Variants in ARL13B observed in about 807,000 individuals in gnomAD.
ARL13B encodes the protein ADP-ribosylation factor-like protein 13B.
In ARL13B, 36 loss-of-function variants were observed where a neutral mutation model predicts 56.1. The ratio of observed to expected loss-of-function variants is 0.64; its 90% CI spans 0.49 to 0.85. The LOEUF (loss-of-function observed/expected upper bound fraction) is 0.85. ARL13B is among the 40% of genes least tolerant of loss of function. ARL13B has a pLI of 0.00. For missense variants in ARL13B, 519 were observed against 507.1 expected, an observed-to-expected ratio of 1.02 and a Z score of -0.23; for synonymous variants, 178 against 171.1, an observed-to-expected ratio of 1.04 and a Z score of -0.32.
At chr3:94,036,180 G>A (rs1199817123) in intron 4 of ARL13B, among the ~76,000 whole-genome samples, 3 of 152,172 alleles carry the variant, frequency 2.0e-5, no homozygotes, top group Admixed American at 6.5e-5. Flanking sequence ...AAAAACATTA[G>A]GCTGTCAATC....
chr3:93,989,316 A>G (rs1710625155), intron 1 of ARL13B, among the ~76,000 whole-genome samples: 1 of 152,200 alleles, frequency 6.6e-6, no homozygotes, highest in Non-Finnish European at 1.5e-5. Flanking sequence ...TTCTTTCAGT[A>G]AAGAAGCCTA....
At chr3:93,987,810 A>AT (rs996749371) in intron 1 of ARL13B, among the ~76,000 whole-genome samples, 27 of 147,542 alleles carry the variant, frequency 1.8e-4, no homozygotes, top group South Asian at 4.3e-4. Flanking sequence ...TGCCTGGCTA[A>AT]TTTTTTTTTT....
intron 3 of ARL13B, among the ~76,000 whole-genome samples, chr3:94,018,985 CA>C (rs894488714): frequency 6.6e-6 from 1 of 152,002 alleles, no homozygotes; most frequent in African/African-American, 2.4e-5. Flanking sequence ...AGGCTGGTCG[CA>C]AACTCCTGAT....
At chr3:94,042,328 C>G (rs1163962817) in intron 6 of ARL13B, among the ~76,000 whole-genome samples, 1 of 151,956 alleles carries the variant, frequency 6.6e-6, no homozygotes, top group Non-Finnish European at 1.5e-5. Context: ...CCCACTGACT[C>G]AACAGTTCTA....
chr3:94,029,504 C>T (rs555838345), intron 3 of ARL13B, among the ~76,000 whole-genome samples: 121 of 151,290 alleles, frequency 8.0e-4, no homozygotes, highest in African/African-American at 2.7e-3. Flanking sequence ...CCTGCCACCA[C>T]GCCCAGCTAA....
intron 2 of ARL13B, among the ~76,000 whole-genome samples, chr3:93,996,894 A>G (rs2075977455): frequency 6.6e-6 from 1 of 151,986 alleles, no homozygotes; most frequent in African/African-American, 2.4e-5. Context: ...CTTCATCTGT[A>G]TTTACATCCT....
chr3:93,990,569 G>A lies in ARL13B; in HGVS notation c.60-5305G>A, dbSNP rs146544047. The stretch of plus-strand genomic sequence containing the variant: ...GAGGTCACGTGTGGAATTTTCCACC[G>A]TGGTGTCATGTTGGTGCTTAAAAAG... On this transcript the variant is annotated intron_variant, in intron 1 of 9. Coordinates refer to ENST00000394222, the MANE Select transcript of ARL13B (RefSeq NM_001174150.2). Among the ~76,000 whole-genome samples the A allele has an allele frequency of 3.0e-4, 45 of 152,188 alleles. No homozygotes were observed. The East Asian group carries it at 8.5e-3, about 29-fold the overall frequency.
intron 2 of ARL13B, chr3:93,996,592 G>T: frequency 2.3e-6 from 1 of 437,756 alleles, no homozygotes; most frequent in Non-Finnish European, 4.6e-6. Context: ...TGCCCAAGCT[G>T]GTCTGGAATG....
intron 7 of ARL13B, among the ~76,000 whole-genome samples, chr3:94,049,048 G>A (rs1327367267): frequency 2.0e-5 from 3 of 151,992 alleles, no homozygotes; most frequent in Non-Finnish European, 4.4e-5. Context: ...ACACAATAAT[G>A]AATAGCTTCT....
At chr3:94,001,264 A>G (rs1198410865) in intron 2 of ARL13B, among the ~76,000 whole-genome samples, 2 of 152,206 alleles carry the variant, frequency 1.3e-5, no homozygotes, top group Non-Finnish European at 2.9e-5. Context: ...CCATATATCA[A>G]AAGAAACAGG....
chr3:93,985,578 A>G (rs1020734687), intron 1 of ARL13B, among the ~76,000 whole-genome samples: 4 of 152,214 alleles, frequency 2.6e-5, no homozygotes, highest in African/African-American at 9.6e-5. Context: ...TTATGCATAC[A>G]TAACTAACAA....
chr3:94,045,207 G>T (rs2076959728), intron 7 of ARL13B, among the ~76,000 whole-genome samples: 1 of 152,090 alleles, frequency 6.6e-6, no homozygotes. Flanking sequence ...ATTAAGGGCG[G>T]TGCAAGATGT....
chr3:94,006,385 A>G (rs1291265371), intron 3 of ARL13B, among the ~76,000 whole-genome samples: 2 of 152,034 alleles, frequency 1.3e-5, no homozygotes, highest in African/African-American at 2.4e-5. Flanking sequence ...CCCATATTTG[A>G]AAGTTCTCCT....
rs563359477 is a variant in ARL13B, at chr3:94,006,041, C to T, written c.380+2133C>T. 7.9e-5 allele frequency among the ~76,000 whole-genome samples: 12 copies of T among 152,260 alleles called. No individual in the cohort carries two copies. The South Asian group carries it at 1.2e-3, about 16-fold the overall frequency. On this transcript the variant is annotated intron_variant, in intron 3 of 9. Coordinates refer to ENST00000394222, the MANE Select transcript of ARL13B (RefSeq NM_001174150.2). ...TTGAGCCGGGCACGGTGGCTCACGC[C>T]TGTAATCCCAGCACTTTGGGAGGCC...
intron 3 of ARL13B, among the ~76,000 whole-genome samples, chr3:94,031,073 T>C (rs571711537): frequency 1.3e-5 from 2 of 152,058 alleles, no homozygotes; most frequent in Non-Finnish European, 2.9e-5. Flanking sequence ...GCGCCTGTAG[T>C]CCCAGCTACT....
At chr3:94,020,616 CTGTT>C (rs1259078467) in intron 3 of ARL13B, among the ~76,000 whole-genome samples, 2 of 152,100 alleles carry the variant, frequency 1.3e-5, no homozygotes, top group African/African-American at 2.4e-5. Context: ...ACCTTGAAAT[CTGTT>C]TGTGTCAGGA....
intron 3 of ARL13B, chr3:94,014,440 CT>C (rs745879072): frequency 6.3e-6 from 10 of 1,593,986 alleles, no homozygotes; most frequent in South Asian, 5.8e-5. Context: ...GCAAGGATTT[CT>C]TTTTTTGTAT....
At chr3:94,036,417 G>C (rs1480176854) in intron 4 of ARL13B, 135 bp from the exon 5 acceptor site, 14 of 866,108 alleles carry the variant, frequency 1.6e-5, no homozygotes, top group Non-Finnish European at 2.2e-5. Context: ...TGTTTTGGAA[G>C]TTAAATAAGC....
intron 3 of ARL13B, among the ~76,000 whole-genome samples, chr3:94,006,158 G>A (rs922043257): frequency 2.6e-5 from 4 of 151,952 alleles, no homozygotes; most frequent in South Asian, 2.1e-4. Flanking sequence ...AAAATTAGCC[G>A]GGCATGCGCG....
Sources: gnomAD v4.1 joint callset for allele counts (sites outside exome capture counted in the v4.1 genomes callset) on GRCh38, gnomAD v4.1.1 for gene constraint, MANE v1.5 for transcripts, NCBI Gene and HGNC (gene_info 2026-07-23, HGNC 2026-07-21) for gene names.